GSDMC: variants seen among roughly 807,000 people sequenced by gnomAD.
GSDMC encodes the protein gasdermin-C.
In GSDMC, 59 loss-of-function variants were observed where a neutral mutation model predicts 58.0. That is an observed-to-expected ratio of 1.02 (90% CI 0.82 to 1.26). GSDMC has a LOEUF of 1.26. Ranked by LOEUF, GSDMC falls within the 50% of genes most tolerant of loss-of-function variation. The probability of loss-of-function intolerance (pLI) is 0.00; values close to 1 mark genes in which losing one functional copy is unlikely to be tolerated. For missense variants in GSDMC, 659 were observed against 598.5 expected, an observed-to-expected ratio of 1.10 and a Z score of -1.06; for synonymous variants, 241 against 220.2, an observed-to-expected ratio of 1.09 and a Z score of -0.83.
intron 1 of GSDMC, among the ~76,000 whole-genome samples, chr8:129,785,245 A>G (rs2034524776): frequency 6.6e-6 from 1 of 152,122 alleles, no homozygotes; most frequent in East Asian, 1.9e-4. Context: ...TCGCAACAAC[A>G]TAGAGGGGAC....
At chr8:129,782,078 T>C (rs1408634635) in intron 1 of GSDMC, among the ~76,000 whole-genome samples, 2 of 152,148 alleles carry the variant, frequency 1.3e-5, no homozygotes, top group East Asian at 3.8e-4. Flanking sequence ...TTAGAAATTA[T>C]ACAAACACAT....
chr8:129,770,836 G>C (rs1375798007), intron 3 of GSDMC, among the ~76,000 whole-genome samples: 4 of 151,804 alleles, frequency 2.6e-5, no homozygotes, highest in African/African-American at 9.7e-5. Context: ...TAAAGACAGA[G>C]TGGATAATAT....
chr8:129,747,772 T>C (rs557400904), downstream of GSDMC, among the ~76,000 whole-genome samples: 14 of 152,218 alleles, frequency 9.2e-5, no homozygotes, highest in Middle Eastern at 6.8e-3. Context: ...AGGAGGGCTA[T>C]GGTGAGTCGG....
At chr8:129,770,143 T>G (rs1036973389) in intron 3 of GSDMC, among the ~76,000 whole-genome samples, 1 of 152,104 alleles carries the variant, frequency 6.6e-6, no homozygotes, top group Non-Finnish European at 1.5e-5. Flanking sequence ...ACCTAAAATA[T>G]CAATGAGGGG....
the GSDMC span, among the ~76,000 whole-genome samples, chr8:129,739,186 C>T: frequency 2.6e-5 from 4 of 152,098 alleles, no homozygotes; most frequent in Middle Eastern, 3.2e-3. Flanking sequence ...GAAGGAACAA[C>T]AGGTGAGAAT....
intron 3 of GSDMC, among the ~76,000 whole-genome samples, chr8:129,768,348 T>C (rs1243731276): frequency 6.6e-6 from 1 of 152,184 alleles, no homozygotes; most frequent in African/African-American, 2.4e-5. Flanking sequence ...GAAAATGTTA[T>C]ACCAACAAAG....
the GSDMC span, among the ~76,000 whole-genome samples, chr8:129,740,411 G>A: frequency 6.6e-6 from 1 of 152,208 alleles, no homozygotes; most frequent in East Asian, 1.9e-4. Flanking sequence ...TCCGTTCATG[G>A]TAAGGGCTTT....
chr8:129,756,055 G>A (rs1279509839), intron 6 of GSDMC, among the ~76,000 whole-genome samples: 1 of 151,422 alleles, frequency 6.6e-6, no homozygotes, highest in Non-Finnish European at 1.5e-5. Context: ...GATGAAGAGT[G>A]GCTGAAAGGA....
intron 1 of GSDMC, among the ~76,000 whole-genome samples, chr8:129,781,965 A>G (rs1482042345): frequency 6.6e-6 from 1 of 152,200 alleles, no homozygotes; most frequent in Non-Finnish European, 1.5e-5. Context: ...ACCATATTTT[A>G]GGTCACAGAA....
Position 129,777,431 on chromosome 8 carries a change from A to T in GSDMC, c.157T>A (p.Ser53Thr), listed in dbSNP as rs368643866. 2 of 1,613,632 alleles carry T rather than the reference A, an allele frequency of 1.2e-6. No individual in the cohort carries two copies. The highest frequency in any genetic ancestry group is 1.3e-5 in the African/African-American group (1 of 75,048). Residue 53 changes from serine (S) to threonine (T), a missense_variant, in exon 2 of 14, where the codon TCT becomes ACT. Transcript: ENST00000276708. ...GAGAATTCAACTGGAACATAGTCAG[A>T]TTGTTCCCAAAATGATGAACGAGAA... ...KDSRSSFWEQSDYVPVEFSLN... is the reference protein window; with the variant it reads ...KDSRSSFWEQTDYVPVEFSLN...
At chr8:129,737,228 T>C in the GSDMC span, among the ~76,000 whole-genome samples, 8 of 152,122 alleles carry the variant, frequency 5.3e-5, no homozygotes, top group Non-Finnish European at 1.0e-4. Context: ...AGGTAATTTA[T>C]AGATTCAATG....
the GSDMC span, among the ~76,000 whole-genome samples, chr8:129,715,812 TAAAC>T: frequency 3.3e-5 from 5 of 152,190 alleles, no homozygotes; most frequent in Non-Finnish European, 5.9e-5. Flanking sequence ...TAAATATCTT[TAAAC>T]AAACTAATCT....
At chr8:129,730,336 A>G in the GSDMC span, 1 of 1,337,340 alleles carries the variant, frequency 7.5e-7, no homozygotes, top group Non-Finnish European at 1.0e-6. Flanking sequence ...TCACTGCATG[A>G]TCTTGAAACT....
chr8:129,764,393 G>C (rs1282698269), intron 4 of GSDMC, among the ~76,000 whole-genome samples: 1 of 152,152 alleles, frequency 6.6e-6, no homozygotes, highest in Non-Finnish European at 1.5e-5. Flanking sequence ...CGCCTAGGCT[G>C]TGTGTTGTAG....
At chr8:129,784,205 C>A (rs2034493645) in intron 1 of GSDMC, among the ~76,000 whole-genome samples, 1 of 152,166 alleles carries the variant, frequency 6.6e-6, no homozygotes, top group African/African-American at 2.4e-5. Flanking sequence ...AAGTAATACA[C>A]CACCAGCACA....
intron 6 of GSDMC, among the ~76,000 whole-genome samples, chr8:129,754,996 A>G (rs1197244210): frequency 1.3e-5 from 2 of 152,192 alleles, no homozygotes; most frequent in African/African-American, 4.8e-5. Flanking sequence ...AGACAAATCT[A>G]AAAGTTGACC....
chr8:129,720,832 A>G, the GSDMC span, among the ~76,000 whole-genome samples: 1 of 152,206 alleles, frequency 6.6e-6, no homozygotes, highest in Admixed American at 6.5e-5. Context: ...TTTGGTTTCA[A>G]ATTCTAGCCA....
the GSDMC span, among the ~76,000 whole-genome samples, chr8:129,728,172 G>T: frequency 6.6e-6 from 1 of 152,076 alleles, no homozygotes; most frequent in Non-Finnish European, 1.5e-5. Flanking sequence ...CAGATCAGCA[G>T]CCTGAGTCTC....
At chr8:129,770,153 G>A (rs1176330302) in intron 3 of GSDMC, among the ~76,000 whole-genome samples, 1 of 152,156 alleles carries the variant, frequency 6.6e-6, no homozygotes, top group Non-Finnish European at 1.5e-5. Flanking sequence ...TCAATGAGGG[G>A]AAGAAGTAAA....
Sources: allele counts gnomAD v4.1 joint callset (sites outside exome capture counted in the v4.1 genomes callset), GRCh38; gene constraint gnomAD v4.1.1; transcripts MANE v1.5; gene names NCBI Gene and HGNC (gene_info 2026-07-23, HGNC 2026-07-21).